SATB1: variants seen among roughly 807,000 people sequenced by gnomAD.
SATB1 encodes the protein SATB homeobox 1, also known as DNA-binding protein SATB1.
SATB1 carries 11 observed loss-of-function variants against 86.9 expected under a neutral mutation model. The ratio of observed to expected loss-of-function variants is 0.13; its 90% CI spans 0.08 to 0.21. The LOEUF is 0.21. Among genes scored for constraint, SATB1 ranks in the 10% least tolerant of loss-of-function variants. SATB1 has a pLI of 1.00. For missense variants in SATB1, 551 were observed against 937.6 expected, an observed-to-expected ratio of 0.59 and a Z score of 5.39; for synonymous variants, 357 against 357.2, an observed-to-expected ratio of 1.00 and a Z score of 0.01.
upstream of SATB1, among the ~76,000 whole-genome samples, chr3:18,440,358 G>A (rs926115428): frequency 2.0e-5 from 3 of 152,108 alleles, no homozygotes; most frequent in Non-Finnish European, 4.4e-5. Flanking sequence ...TTTGCCATAG[G>A]GAAATGATAA....
At chr3:18,409,406 T>C (rs905038796) in intron 5 of SATB1, 6 of 152,026 alleles carry the variant, frequency 3.9e-5, no homozygotes, top group Non-Finnish European at 7.4e-5. Context: ...ATACACATTA[T>C]AATATTAACA....
At chr3:18,350,434 A>G (rs772497850) in intron 10 of SATB1, 1 of 152,302 alleles carries the variant, frequency 6.6e-6, no homozygotes, top group South Asian at 2.1e-4. Context: ...CATAATTAGT[A>G]TATGTATATG....
intron 9 of SATB1, among the ~76,000 whole-genome samples, chr3:18,359,048 G>C (rs1359593116): frequency 2.0e-5 from 3 of 151,946 alleles, no homozygotes; most frequent in African/African-American, 7.2e-5. Context: ...TTAAAATTTT[G>C]TGAACTTGGA....
Position 18,387,159 on chromosome 3 carries a change from G to A in SATB1, c.1207-548C>T, listed in dbSNP as rs181303803. Among the ~76,000 whole-genome samples, 21 of 152,250 alleles carry A rather than the reference G, an allele frequency of 1.4e-4. 1 individual carries two copies. In the East Asian group the frequency reaches 3.5e-3, roughly 25 times the overall value. On this transcript the variant is annotated intron_variant, in intron 7 of 10. Transcript: ENST00000338745. ...TGTTTAAAATTATTCCTTAAACTCTGACTTATCAAAGTACATGACACTACG... is the reference window on the plus strand; with the variant it reads ...TGTTTAAAATTATTCCTTAAACTCTAACTTATCAAAGTACATGACACTACG...
intron 8 of SATB1, 143 bp from the exon 9 acceptor site, chr3:18,378,468 G>A: frequency 1.3e-6 from 1 of 773,420 alleles, no homozygotes; most frequent in Non-Finnish European, 2.1e-6. Flanking sequence ...ATTAGTTATT[G>A]CCCTGAGATC....
upstream of SATB1, among the ~76,000 whole-genome samples, chr3:18,427,639 G>A (rs2125189693): frequency 6.6e-6 from 1 of 152,216 alleles, no homozygotes; most frequent in East Asian, 1.9e-4. Flanking sequence ...TAATGACCTG[G>A]TGAATGCTAA....
In SATB1 at chr3:18,369,973, G is replaced by A. The variant is rs1188849555; in HGVS notation, c.1575+8197C>T. On this transcript the variant is annotated intron_variant, in intron 9 of 10. Coordinates refer to ENST00000338745, the MANE Select transcript of SATB1 (RefSeq NM_002971.6). ...TGTGTAAATAAAATTAATTACAAGC[G>A]AGAGGGTGAAGGCTTCAGTGACATC... 3.9e-5 allele frequency among the ~76,000 whole-genome samples: 6 copies of A among 152,330 alleles called. No individual in the cohort carries two copies. The East Asian group carries it at 9.6e-4, about 24-fold the overall frequency.
Position 18,394,583 on chromosome 3 carries a change from T to A in SATB1, c.1085A>T (p.Glu362Val). 1.2e-6 allele frequency: 2 copies of A among 1,614,162 alleles called. No homozygotes were observed. The highest frequency in any genetic ancestry group is 1.7e-6 in the Non-Finnish European group (2 of 1,180,026). The change falls in exon 7 of 11, where the codon GAG becomes GTG. Residue 362 changes from glutamate to valine, a missense_variant. Coordinates refer to ENST00000338745, the MANE Select transcript of SATB1 (RefSeq NM_002971.6). The surrounding 1 kb of genome is among the most constrained non-coding windows in gnomAD (Gnocchi z 5.9). ...PVSRSMNKPL[E>V]QQVSTNTEVS... ...CTCTGTGTTGGTCGAAACCTGTTGCTCCAAAGGCTTATTCATAGATCTACT... is the reference window on the plus strand; with the variant it reads ...CTCTGTGTTGGTCGAAACCTGTTGCACCAAAGGCTTATTCATAGATCTACT...
intron 7 of SATB1, among the ~76,000 whole-genome samples, chr3:18,387,834 C>T (rs1696423372): frequency 6.6e-6 from 1 of 152,018 alleles, no homozygotes; most frequent in African/African-American, 2.4e-5. Context: ...CAATGAAGCC[C>T]CAAGGTTAAA....
Position 18,345,623 on chromosome 3 carries a change from AT to A in SATB1, c.*3546del, listed in dbSNP as rs778876511. On this transcript the variant is annotated 3_prime_UTR_variant, in exon 11 of 11. Transcript: ENST00000338745. ...CATAAGCCCTCTTAAAAAGTCAAAA[AT>A]ATGCATAAAGAAGACTAGTATTGAT... The A allele has an allele frequency of 2.0e-5, 3 of 152,126 alleles. No homozygotes were observed. Among genetic ancestry groups the A allele is most frequent in the Non-Finnish European group, 1.5e-5 (1 of 67,958 alleles). The allele number at this position is 152,126 out of a possible 1,614,324, so 9.4% of individuals were successfully genotyped here.
chr3:18,391,054 G>A (rs564916697), intron 7 of SATB1, among the ~76,000 whole-genome samples: 1 of 152,108 alleles, frequency 6.6e-6, no homozygotes, highest in East Asian at 1.9e-4. Flanking sequence ...AATTCAGAAG[G>A]GGAAAAATTC....
chr3:18,435,029 A>C (rs1334713869), intron 2 of SATB1: 9 of 152,190 alleles, frequency 5.9e-5, no homozygotes, highest in African/African-American at 2.2e-4. Flanking sequence ...CTACTAAAGT[A>C]GACTGCATTT....
At chr3:18,395,139 T>A (rs1446264480) in intron 6 of SATB1, among the ~76,000 whole-genome samples, 1 of 152,166 alleles carries the variant, frequency 6.6e-6, no homozygotes, top group Non-Finnish European at 1.5e-5. Flanking sequence ...TAATCTTATT[T>A]TTAAAAAGTG....
chr3:18,445,435 C>T, intron 1 of SATB1: 1 of 985,278 alleles, frequency 1.0e-6, no homozygotes, highest in Non-Finnish European at 1.2e-6. Flanking sequence ...GACCCTCAGC[C>T]TCGAGGGGTA....
chr3:18,399,931 T>G (rs1697166391), intron 5 of SATB1, among the ~76,000 whole-genome samples: 1 of 152,054 alleles, frequency 6.6e-6, no homozygotes, highest in African/African-American at 2.4e-5. Context: ...CGTGGGCGTG[T>G]GTGTGTGTTT....
intron 5 of SATB1, among the ~76,000 whole-genome samples, chr3:18,402,894 G>A (rs562924854): frequency 1.3e-5 from 2 of 152,150 alleles, no homozygotes; most frequent in African/African-American, 4.8e-5. Context: ...ATCTAAATAC[G>A]ATTAAACAGC....
chr3:18,427,718 T>C (rs1304484735), upstream of SATB1, among the ~76,000 whole-genome samples: 4 of 152,136 alleles, frequency 2.6e-5, no homozygotes, highest in Admixed American at 6.5e-5. Flanking sequence ...CACAAATCTA[T>C]TCAAAAACAC....
At chr3:18,421,141 T>C in intron 1 of SATB1, 150 bp from the exon 2 acceptor site, 1 of 595,398 alleles carries the variant, frequency 1.7e-6, no homozygotes, top group Non-Finnish European at 3.0e-6. Context: ...CAGATGTTAC[T>C]ATATTTCTAG....
chr3:18,429,880 C>G (rs1698834419), upstream of SATB1, among the ~76,000 whole-genome samples: 1 of 152,084 alleles, frequency 6.6e-6, no homozygotes, highest in Non-Finnish European at 1.5e-5. The surrounding 1 kb of genome is among the most constrained non-coding windows in gnomAD (Gnocchi z 4.1). Flanking sequence ...TGCCATATTA[C>G]TAGGAATTTA....
Sources: gnomAD v4.1 joint callset for allele counts (sites outside exome capture counted in the v4.1 genomes callset) on GRCh38, gnomAD v4.1.1 for gene constraint, Gnocchi (gnomAD v3.1) non-coding constraint, MANE v1.5 for transcripts, NCBI Gene and HGNC (gene_info 2026-07-23, HGNC 2026-07-21) for gene names.